GRIK2: variants seen among roughly 807,000 people sequenced by gnomAD.
GRIK2 encodes the protein glutamate receptor ionotropic, kainate 2.
In GRIK2, 32 loss-of-function variants were observed where a neutral mutation model predicts 100.3. The observed-to-expected ratio is 0.32, with a 90% CI of 0.24 to 0.43. The LOEUF is 0.43. GRIK2 is among the 20% of genes least tolerant of loss of function. The probability of loss-of-function intolerance (pLI) is 1.00; values close to 1 mark genes in which losing one functional copy is unlikely to be tolerated. For synonymous variants in GRIK2, 417 were observed against 389.4 expected (o/e 1.07, Z -0.83); for missense variants, 843 against 1,114.9 (o/e 0.76, Z 3.47).
At chr6:101,658,041 T>C (rs1042177848) in intron 4 of GRIK2, among the ~76,000 whole-genome samples, 1 of 152,122 alleles carries the variant, frequency 6.6e-6, no homozygotes. Flanking sequence ...GTGATCTCTT[T>C]TTTAAAATTT....
chr6:101,438,959 T>A (rs1488204747), intron 2 of GRIK2, among the ~76,000 whole-genome samples: 1 of 152,144 alleles, frequency 6.6e-6, no homozygotes, highest in African/African-American at 2.4e-5. Context: ...TGTATAGAAC[T>A]AATGAGGTTT....
At chr6:101,583,854 C>G (rs1352619027) in intron 2 of GRIK2, among the ~76,000 whole-genome samples, 2 of 152,032 alleles carry the variant, frequency 1.3e-5, no homozygotes, top group Admixed American at 6.6e-5. Flanking sequence ...TTTAATTGCT[C>G]TCATCAAACA....
At chr6:101,661,523 GA>G (rs1455720253) in intron 4 of GRIK2, among the ~76,000 whole-genome samples, 1 of 152,016 alleles carries the variant, frequency 6.6e-6, no homozygotes, top group Non-Finnish European at 1.5e-5. Context: ...ACTGTGGTAA[GA>G]AAAAACACTC....
chr6:101,684,861 C>G (rs1336956874), intron 6 of GRIK2, among the ~76,000 whole-genome samples: 1 of 151,966 alleles, frequency 6.6e-6, no homozygotes, highest in Admixed American at 6.6e-5. Context: ...TCTTGACCTC[C>G]AGGTATAGGG....
chr6:101,874,062 T>C (rs971058523), intron 11 of GRIK2, among the ~76,000 whole-genome samples: 1 of 152,198 alleles, frequency 6.6e-6, no homozygotes. Context: ...TTCACTCTGA[T>C]AGTAGTTTCT....
At chr6:102,066,800 T>A (rs1020188891) in intron 16 of GRIK2, among the ~76,000 whole-genome samples, 6 of 151,660 alleles carry the variant, frequency 4.0e-5, no homozygotes, top group African/African-American at 4.8e-5. Flanking sequence ...TAATTGATAT[T>A]TTAAAAATAG....
At chr6:101,979,721 G>A (rs1235990685) in intron 14 of GRIK2, among the ~76,000 whole-genome samples, 2 of 151,964 alleles carry the variant, frequency 1.3e-5, no homozygotes, top group African/African-American at 4.8e-5. Flanking sequence ...CTTGGTGATA[G>A]AGGGACACGA....
At chr6:101,863,435 T>C (rs1003508754) in intron 11 of GRIK2, among the ~76,000 whole-genome samples, 11 of 152,198 alleles carry the variant, frequency 7.2e-5, no homozygotes, top group African/African-American at 2.4e-4. Flanking sequence ...AAAAAGCTTT[T>C]TGTGCCATTT....
intron 7 of GRIK2, among the ~76,000 whole-genome samples, chr6:101,771,667 T>A (rs976637966): frequency 2.1e-5 from 3 of 146,090 alleles, no homozygotes; most frequent in Non-Finnish European, 4.5e-5. Context: ...TATCTCCTAA[T>A]GCTATCCCTC....
intron 7 of GRIK2, among the ~76,000 whole-genome samples, chr6:101,770,641 T>C (rs940316718): frequency 1.6e-4 from 24 of 152,202 alleles, no homozygotes; most frequent in African/African-American, 5.8e-4. Flanking sequence ...AAAAGGGCAT[T>C]GTAGAGTATT....
At position 101,490,849 on chromosome 6, in the gene GRIK2, C is replaced by T. The variant is rs1455045692; in HGVS notation, c.115+91457C>T. Among the ~76,000 whole-genome samples the T allele has an allele frequency of 3.4e-5, 5 of 146,484 alleles. 1 individual carries two copies. The highest frequency in any genetic ancestry group is 1.0e-4 in the African/African-American group (4 of 38,326). ...AATATAGGTATTGTACTAAGTCCTT[C>T]ACATGAAATTCTTTTTGAATCTTTA... On this transcript the variant is annotated intron_variant, in intron 2 of 16. Transcript: ENST00000369134.
chr6:101,800,390 A>G (rs73512739), intron 8 of GRIK2, among the ~76,000 whole-genome samples: 10,959 of 151,976 alleles, frequency 0.072, 413 homozygotes, highest in African/African-American at 0.093. Context: ...ACATATATAC[A>G]TGCATATATA....
At chr6:101,495,272 G>A (rs1202688581) in intron 2 of GRIK2, among the ~76,000 whole-genome samples, 6 of 151,962 alleles carry the variant, frequency 3.9e-5, no homozygotes, top group African/African-American at 1.4e-4. Context: ...TTGGGAGGCC[G>A]AGGCGGGTGG....
At chr6:101,455,788 G>C (rs537906697) in intron 2 of GRIK2, among the ~76,000 whole-genome samples, 122 of 152,166 alleles carry the variant, frequency 8.0e-4, no homozygotes, top group African/African-American at 2.9e-3. Flanking sequence ...TAGTAATCAG[G>C]TTTAGTAGGA....
chr6:101,622,030 G>T lies in GRIK2; in HGVS notation c.197G>T (p.Arg66Ile). 1 of 1,604,908 alleles carries T rather than the reference G, an allele frequency of 6.2e-7. No individual in the cohort carries two copies. Among genetic ancestry groups the T allele is most frequent in the East Asian group, 2.2e-5 (1 of 44,740 alleles). Residue 66 changes from arginine (R) to isoleucine (I), a missense_variant, in exon 3 of 17, where the codon AGA (arginine) becomes ATA (isoleucine). This residue lies in a region of GRIK2 where 519 missense variants were observed against 643.8 expected (regional missense o/e 0.81). Transcript: ENST00000369134. ...AFRFAVNTIN[R>I]NRTLLPNTTL... is the part of the protein sequence containing the mutation. ...AGATTTGCTGTGAACACAATTAACA[G>T]AAACAGAACATTGCTACCCAATACT...
At chr6:101,572,064 C>T (rs969165007) in intron 2 of GRIK2, among the ~76,000 whole-genome samples, 8 of 152,050 alleles carry the variant, frequency 5.3e-5, no homozygotes, top group Non-Finnish European at 1.5e-5. Flanking sequence ...ATTCTCAACA[C>T]TGTTGATCTT....
chr6:101,940,101 G>A (rs1371410063), intron 14 of GRIK2, among the ~76,000 whole-genome samples: 1 of 152,124 alleles, frequency 6.6e-6, no homozygotes, highest in African/African-American at 2.4e-5. Context: ...CAGATAAACA[G>A]CAAAAGTTCT....
intron 10 of GRIK2, among the ~76,000 whole-genome samples, chr6:101,845,484 A>G (rs1464077338): frequency 6.6e-6 from 1 of 152,194 alleles, no homozygotes; most frequent in Non-Finnish European, 1.5e-5. Context: ...TGTAACATGT[A>G]TCAATACTTC....
intron 7 of GRIK2, among the ~76,000 whole-genome samples, chr6:101,724,364 G>T (rs1774709579): frequency 6.6e-6 from 1 of 151,710 alleles, no homozygotes; most frequent in Non-Finnish European, 1.5e-5. Context: ...CCTTCTGGTA[G>T]TTTCCTGTAT....
Sources: gnomAD v4.1 joint callset for allele counts (sites outside exome capture counted in the v4.1 genomes callset) on GRCh38, gnomAD v4.1.1 for gene constraint, gnomAD v4.1.1 regional missense constraint, MANE v1.5 for transcripts, NCBI Gene and HGNC (gene_info 2026-07-23, HGNC 2026-07-21) for gene names.